Variants in GPR180 observed in about 807,000 individuals in gnomAD.
GPR180 encodes the protein integral membrane protein GPR180.
GPR180 carries 53 observed loss-of-function variants against 52.6 expected under a neutral mutation model. That is an observed-to-expected ratio of 1.01 (90% CI 0.81 to 1.27). The LOEUF (loss-of-function observed/expected upper bound fraction) is 1.27, where lower values mean the gene tolerates loss of function less well. GPR180 is among the 50% of genes most tolerant of loss of function. GPR180 has a pLI of 0.00. For synonymous variants in GPR180, 200 were observed against 193.1 expected (o/e 1.04, Z -0.30); for missense variants, 533 against 527.0 (o/e 1.01, Z -0.11).
rs1889955899 is a variant in GPR180 at position 94,628,513 on chromosome 13, A to G, written c.*1342A>G. ...TAAATTTTTTAATTAAATAGTTAAAATAATGTAGTGCAACTTAAAAATATC... is the reference window on the plus strand; with the variant it reads ...TAAATTTTTTAATTAAATAGTTAAAGTAATGTAGTGCAACTTAAAAATATC... On this transcript the variant is annotated 3_prime_UTR_variant, in exon 9 of 9. Transcript: ENST00000376958. 1 of 152,122 alleles carries G rather than the reference A, an allele frequency of 6.6e-6. No homozygotes were observed. The highest frequency in any genetic ancestry group is 1.9e-4 in the East Asian group (1 of 5,186). The allele number at this position is 152,122 out of a possible 1,614,324, so 9.4% of individuals were successfully genotyped here.
intron 3 of GPR180, among the ~76,000 whole-genome samples, chr13:94,615,416 A>C (rs1344055250): frequency 6.6e-6 from 1 of 152,208 alleles, no homozygotes; most frequent in Admixed American, 6.5e-5. Flanking sequence ...TGGTGCAGAT[A>C]GTTGCAATTA....
intron 5 of GPR180, among the ~76,000 whole-genome samples, chr13:94,620,278 C>T (rs1263085825): frequency 6.6e-6 from 1 of 152,098 alleles, no homozygotes; most frequent in African/African-American, 2.4e-5. Context: ...GACCCAAAGC[C>T]TAAAACTCAC....
chr13:94,626,016 C>T lies in GPR180; in HGVS notation c.1137C>T (p.Val379=), dbSNP rs774312464. The T allele has an allele frequency of 6.2e-7, 1 of 1,611,042 alleles. No individual in the cohort carries two copies. Among genetic ancestry groups the T allele is most frequent in the Non-Finnish European group, 8.5e-7 (1 of 1,178,010 alleles). The change falls in exon 8 of 9, where the codon GTC becomes GTT. Residue 379 remains valine, a synonymous_variant. Transcript: ENST00000376958. ...LCHPVLACIS[V]IFSDYQRDKV... ...ATCCAGTTCTTGCATGCATTTCTGT[C>T]ATTTTTAGCGACTACCAAAGAGACA...
intron 4 of GPR180, 56 bp from the exon 5 acceptor site, chr13:94,619,412 T>G (rs1039782580): frequency 1.6e-5 from 26 of 1,601,296 alleles, no homozygotes; most frequent in Admixed American, 3.4e-5. Context: ...CTTGCTTTGA[T>G]TATAAACAAT....
Position 94,621,218 on chromosome 13 carries a change from T to G in GPR180, c.877T>G (p.Phe293Val), listed in dbSNP as rs756912012. The change falls in exon 6 of 9, where the codon TTC (phenylalanine) becomes GTC (valine). Residue 293 changes from phenylalanine to valine, a missense_variant. Coordinates refer to ENST00000376958, the MANE Select transcript of GPR180 (RefSeq NM_180989.6). ...GCCTGCATCCACTGGCATTGCAGTA[T>G]TCATTGTCATGACACAGGTGGGTAT... ...STPASTGIAVFIVMTQSVLLL... is the reference protein window; with the variant it reads ...STPASTGIAVVIVMTQSVLLL... 1.2e-5 allele frequency: 19 copies of G among 1,598,632 alleles called. 1 individual carries two copies. In the South Asian group the frequency reaches 2.2e-4, roughly 18 times the overall value.
In GPR180 at chr13:94,630,276, T is replaced by A. The variant is rs1889977509; in HGVS notation, c.*3105T>A. On this transcript the variant is annotated 3_prime_UTR_variant, in exon 9 of 9. Coordinates refer to ENST00000376958, the MANE Select transcript of GPR180 (RefSeq NM_180989.6). ...TCTGCACAGCTCCAGGGGCATCATA[T>A]GTGTTGTGCTGTAGGAGTGCCATGA... 6.6e-6 allele frequency: 1 copy of A among 152,146 alleles called. No individual in the cohort carries two copies. Among genetic ancestry groups the A allele is most frequent in the Non-Finnish European group, 1.5e-5 (1 of 68,022 alleles). 9.4% of individuals were successfully genotyped at this position (152,146 alleles called of 1,614,324 possible). A position where few individuals can be genotyped will look rare whatever the true frequency, so the allele number is the denominator to read the frequency against.
At chr13:94,603,328 C>T (rs1470255567) in intron 1 of GPR180, among the ~76,000 whole-genome samples, 3 of 152,058 alleles carry the variant, frequency 2.0e-5, no homozygotes, top group East Asian at 3.8e-4. Context: ...GTATAGAAGA[C>T]GTGGGTTATT....
In GPR180 at chr13:94,628,229, T is replaced by C. The variant is rs1440276787; in HGVS notation, c.*1058T>C. 2 of 152,132 alleles carry C rather than the reference T, an allele frequency of 1.3e-5. No homozygotes were observed. Among genetic ancestry groups the C allele is most frequent in the South Asian group, 4.2e-4 (2 of 4,804 alleles). 9.4% of individuals were successfully genotyped at this position (152,132 alleles called of 1,614,324 possible). A position where few individuals can be genotyped will look rare whatever the true frequency, so the allele number is the denominator to read the frequency against. ...AATCCTTTGTAATAAAGCCATACTTTTGTGTGTGTGTGTGATGCCCCAGTA... is the reference window on the plus strand; with the variant it reads ...AATCCTTTGTAATAAAGCCATACTTCTGTGTGTGTGTGTGATGCCCCAGTA... On this transcript the variant is annotated 3_prime_UTR_variant, in exon 9 of 9. Transcript: ENST00000376958.
intron 3 of GPR180, among the ~76,000 whole-genome samples, chr13:94,618,761 G>A (rs537672258): frequency 4.9e-4 from 75 of 152,008 alleles, no homozygotes; most frequent in Non-Finnish European, 9.7e-4. Flanking sequence ...TATTGACTGA[G>A]GTAATCTATT....
chr13:94,604,897 C>T (rs890909646), intron 1 of GPR180, among the ~76,000 whole-genome samples: 7 of 152,038 alleles, frequency 4.6e-5, no homozygotes, highest in African/African-American at 1.7e-4. Flanking sequence ...TTGTAAAAGT[C>T]GTAGATACCA....
chr13:94,605,528 T>C lies in GPR180; in HGVS notation c.283T>C (p.Leu95=). The part of the protein sequence containing the change: ...SSHGYSCSEK[L]SKAQLTMTMN... Reference sequence around the variant, plus strand: ...TCATGGTTATAGCTGTAGTGAAAAATTATCCAAAGCTCAGTTGACAAGTGA... The same window carrying C: ...TCATGGTTATAGCTGTAGTGAAAAACTATCCAAAGCTCAGTTGACAAGTGA... Residue 95 remains leucine (L), a synonymous_variant, in exon 2 of 9, where the codon TTA becomes CTA. Coordinates refer to ENST00000376958, the MANE Select transcript of GPR180 (RefSeq NM_180989.6). 6.2e-7 allele frequency: 1 copy of C among 1,613,070 alleles called. No individual in the cohort carries two copies.
chr13:94,617,857 T>G (rs1344822001), intron 3 of GPR180, among the ~76,000 whole-genome samples: 9 of 152,186 alleles, frequency 5.9e-5, no homozygotes. Context: ...TGGTGTTAGA[T>G]AGAATGTAAA....
Position 94,623,294 on chromosome 13 carries a change from T to A in GPR180, c.1080T>A (p.Phe360Leu). Residue 360 changes from phenylalanine (F) to leucine (L), a missense_variant, in exon 7 of 9, where the codon TTT becomes TTA. Physicochemically the swap from Phe to Leu is conservative, Grantham distance 22 (BLOSUM62 0). Transcript: ENST00000376958. ...TCAAAAGGGAGTTCTACATCACATT[T>A]GCCAAAGTATGGGTTTGGAAAGAAA... ...STLKREFYIT[F>L]AKGCILWFLC... 1 of 1,610,326 alleles carries A rather than the reference T, an allele frequency of 6.2e-7. No homozygotes were observed. The highest frequency in any genetic ancestry group is 8.5e-7 in the Non-Finnish European group (1 of 1,177,620).
At position 94,606,927 on chromosome 13, in the gene GPR180, T is replaced by C. The variant is rs539574347; in HGVS notation, c.304+1378T>C. Among the ~76,000 whole-genome samples, 6 of 152,350 alleles carry C rather than the reference T, an allele frequency of 3.9e-5. No homozygotes were observed. The East Asian group carries it at 1.2e-3, about 29-fold the overall frequency. Reference sequence around the variant, plus strand: ...ACATGCAGATTCTCTTGATTGGTTGTCTCTTCCTTTCTCTGCCAGTTTGCT... The same window carrying C: ...ACATGCAGATTCTCTTGATTGGTTGCCTCTTCCTTTCTCTGCCAGTTTGCT... On this transcript the variant is annotated intron_variant, in intron 2 of 8. Coordinates refer to ENST00000376958, the MANE Select transcript of GPR180 (RefSeq NM_180989.6).
At chr13:94,603,480 A>G (rs1419787226) in intron 1 of GPR180, among the ~76,000 whole-genome samples, 1 of 152,208 alleles carries the variant, frequency 6.6e-6, no homozygotes, top group Non-Finnish European at 1.5e-5. Flanking sequence ...ATTCTGTTTC[A>G]TATGTGTAAA....
At chr13:94,614,314 C>A (rs571899476) in intron 3 of GPR180, among the ~76,000 whole-genome samples, 4 of 152,358 alleles carry the variant, frequency 2.6e-5, no homozygotes, top group African/African-American at 9.6e-5. Context: ...GATCAATTAG[C>A]ACTTCCTCTC....
intron 7 of GPR180, 84 bp from the exon 8 acceptor site, chr13:94,625,882 A>G: frequency 2.2e-6 from 2 of 909,888 alleles, no homozygotes; most frequent in Non-Finnish European, 3.5e-6. Context: ...CAGAACCTAA[A>G]AATGCTAGTA....
intron 3 of GPR180, among the ~76,000 whole-genome samples, chr13:94,618,049 A>G (rs1166653088): frequency 1.3e-5 from 2 of 152,242 alleles, no homozygotes; most frequent in African/African-American, 2.4e-5. Context: ...AGACTGTACT[A>G]AAAAGCTGCT....
chr13:94,604,457 C>T (rs962437670), intron 1 of GPR180, among the ~76,000 whole-genome samples: 1 of 152,038 alleles, frequency 6.6e-6, no homozygotes, highest in South Asian at 2.1e-4. Context: ...TGCCTGTAAT[C>T]CCAGCTACTC....
Sources: allele counts gnomAD v4.1 joint callset (sites outside exome capture counted in the v4.1 genomes callset), GRCh38; gene constraint gnomAD v4.1.1; transcripts MANE v1.5; gene names NCBI Gene and HGNC (gene_info 2026-07-23, HGNC 2026-07-21).